The following PTPRS variants were observed in gnomAD, a reference collection of about 807,000 sequenced individuals.
PTPRS encodes protein tyrosine phosphatase receptor type S.
Under a neutral mutation model 215.3 loss-of-function variants are expected in PTPRS, and 63 were observed. That is an observed-to-expected ratio of 0.29 (90% CI 0.24 to 0.36). The LOEUF (loss-of-function observed/expected upper bound fraction) is 0.36. PTPRS is among the 10% of genes least tolerant of loss of function. The pLI, the probability that PTPRS is intolerant of heterozygous loss-of-function variation, is 1.00. For missense variants in PTPRS, 2,258 were observed against 2,825.8 expected (o/e 0.80, Z 4.56); for synonymous variants, 1,404 against 1,191.4 (o/e 1.18, Z -3.68).
chr19:5,240,163 C>CCCAGGGCAGGCCAGCCCGT lies in PTPRS; in HGVS notation c.1704+17_1704+35dup, dbSNP rs1275179593. 3.4e-6 allele frequency: 5 copies of CCCAGGGCAGGCCAGCCCGT among 1,466,280 alleles called. No individual in the cohort carries two copies. The African/African-American group carries it at 4.2e-5, about 12-fold the overall frequency. 90.8% of individuals were successfully genotyped at this position (1,466,280 alleles called of 1,614,324 possible). On this transcript the variant is annotated intron_variant, in intron 12 of 37. Transcript: ENST00000262963. ...AGCGTCAGAGAGCGCCGGGGAGGAG[C>CCCAGGGCAGGCCAGCCCGT]CCAGGGCAGGCCAGCCCGTCCCCGC...
At chr19:5,247,190 T>C (rs2044573416) in intron 9 of PTPRS, among the ~76,000 whole-genome samples, 1 of 142,258 alleles carries the variant, frequency 7.0e-6, no homozygotes, top group East Asian at 2.0e-4. Context: ...TAATAAATAG[T>C]ATATTAATAA....
chr19:5,230,983 A>G (rs907031316), intron 14 of PTPRS, among the ~76,000 whole-genome samples: 4 of 152,190 alleles, frequency 2.6e-5, no homozygotes, highest in Non-Finnish European at 4.4e-5. Context: ...TGATCAGCAC[A>G]TTGTTGTTGC....
intron 13 of PTPRS, among the ~76,000 whole-genome samples, chr19:5,235,603 A>G (rs1316638769): frequency 1.3e-5 from 2 of 152,096 alleles, no homozygotes; most frequent in Admixed American, 1.3e-4. Flanking sequence ...GGTTTGCAGA[A>G]CAATAATTGT....
At position 5,221,113 on chromosome 19, in the gene PTPRS, G is replaced by C; in HGVS notation, c.3342C>G (p.Thr1114=). The C allele has an allele frequency of 6.2e-7, 1 of 1,614,024 alleles. No homozygotes were observed. The highest frequency in any genetic ancestry group is 1.7e-5 in the Admixed American group (1 of 60,014). The change falls in exon 20 of 38, where the codon ACC becomes ACG. Residue 1114 remains threonine, a synonymous_variant. Transcript: ENST00000262963. ...SSLGGLQQTV[T]AWTAFNLLNG... ...TGAGCAGGTTGAAGGCAGTCCAGGC[G>C]GTGACCGTCTGCTGGAGGCCGCCCA...
At chr19:5,222,628 TGGGGTG>T (rs1568403350) in intron 18 of PTPRS, 55 bp downstream of exon 18, 2 of 522,706 alleles carry the variant, frequency 3.8e-6, no homozygotes, top group Non-Finnish European at 4.9e-6. Flanking sequence ...GGGAGGGGGC[TGGGGTG>T]GGGGTGGGCG....
At chr19:5,207,548 C>A (rs1234522631) in intron 37 of PTPRS, among the ~76,000 whole-genome samples, 1 of 152,188 alleles carries the variant, frequency 6.6e-6, no homozygotes. Context: ...GTTCAGAACC[C>A]CCTCCACTGG....
At chr19:5,331,306 T>TG (rs2050319185) in intron 1 of PTPRS, among the ~76,000 whole-genome samples, 1 of 151,748 alleles carries the variant, frequency 6.6e-6, no homozygotes, top group South Asian at 2.1e-4. Context: ...GATTTTTTTT[T>TG]GTTTTTTGTA....
At chr19:5,225,669 CT>C (rs1420966810) in intron 17 of PTPRS, 57 bp downstream of exon 17, 24 of 1,428,342 alleles carry the variant, frequency 1.7e-5, no homozygotes, top group Non-Finnish European at 2.1e-5. Flanking sequence ...GAGTCACGCT[CT>C]GGTGCCAGTG....
At chr19:5,308,012 T>C (rs1177202264) in intron 1 of PTPRS, among the ~76,000 whole-genome samples, 5 of 151,836 alleles carry the variant, frequency 3.3e-5, no homozygotes, top group Non-Finnish European at 7.4e-5. Flanking sequence ...AAAACTCTAC[T>C]GACCCTGTTC....
chr19:5,213,057 G>A (rs945119785), intron 30 of PTPRS, among the ~76,000 whole-genome samples: 5 of 152,258 alleles, frequency 3.3e-5, no homozygotes, highest in African/African-American at 1.2e-4. Flanking sequence ...CAGCTTGGGA[G>A]TCACCCTTAA....
intron 11 of PTPRS, among the ~76,000 whole-genome samples, chr19:5,241,123 AAC>A (rs1167613793): frequency 6.6e-6 from 1 of 151,702 alleles, no homozygotes; most frequent in Non-Finnish European, 1.5e-5. Flanking sequence ...TCCTGACCTC[AAC>A]TGATCCTCCT....
At chr19:5,251,290 C>CG (rs1294693576) in intron 9 of PTPRS, among the ~76,000 whole-genome samples, 3 of 152,084 alleles carry the variant, frequency 2.0e-5, no homozygotes, top group African/African-American at 7.2e-5. Flanking sequence ...GCCTCTCCCC[C>CG]CCACCGCCAG....
chr19:5,240,398 G>C (rs1447981904), intron 11 of PTPRS, 66 bp from the exon 12 acceptor site: 9 of 1,441,932 alleles, frequency 6.2e-6, no homozygotes, highest in Non-Finnish European at 8.3e-6. Context: ...GGCCCCACCT[G>C]CTGAGTGTCC....
At chr19:5,312,568 G>A (rs1169155423) in intron 1 of PTPRS, among the ~76,000 whole-genome samples, 1 of 152,194 alleles carries the variant, frequency 6.6e-6, no homozygotes, top group Non-Finnish European at 1.5e-5. Flanking sequence ...GGCCAAGGCA[G>A]GAGGACTGCT....
chr19:5,213,639 CATATGCTTAATGTATAACAT>C (rs2041139566), intron 30 of PTPRS, among the ~76,000 whole-genome samples: 1 of 54,138 alleles, frequency 1.8e-5, no homozygotes. Context: ...TGAGATATAA[CATATGCTTAATGTATAACAT>C]ATGCTTAATG....
In PTPRS at chr19:5,338,665, C is replaced by CAGAA. The variant is rs2050585377; in HGVS notation, c.-95+1995_-95+1998dup. On this transcript the variant is annotated intron_variant, in intron 1 of 37. Transcript: ENST00000262963. The surrounding 1 kb of genome is among the most constrained non-coding windows in gnomAD (Gnocchi z 4.2). Reference sequence around the variant, plus strand: ...TGGCAAAGAAAGAAGAGCAGAGGGACAGAAGGCAGGCGCGATTGGCAGGGG... The same window carrying CAGAA: ...TGGCAAAGAAAGAAGAGCAGAGGGACAGAAAGAAGGCAGGCGCGATTGGCAGGGG... 6.6e-6 allele frequency among the ~76,000 whole-genome samples: 1 copy of CAGAA among 150,628 alleles called. No individual in the cohort carries two copies. The highest frequency in any genetic ancestry group is 1.5e-5 in the Non-Finnish European group (1 of 67,824).
intron 4 of PTPRS, among the ~76,000 whole-genome samples, chr19:5,267,259 T>C (rs889846521): frequency 3.3e-5 from 5 of 152,090 alleles, no homozygotes; most frequent in Non-Finnish European, 7.4e-5. Flanking sequence ...GTCCCTGGAA[T>C]CTCCTGGTCC....
rs767731605 is a variant in PTPRS at position 5,274,293 on chromosome 19, C to G, written c.143G>C (p.Gly48Ala). The G allele has an allele frequency of 3.7e-6, 6 of 1,613,454 alleles. No individual in the cohort carries two copies. The highest frequency in any genetic ancestry group is 3.3e-5 in the Admixed American group (2 of 59,970). The change falls in exon 3 of 38, where the codon GGT (glycine) becomes GCT (alanine). Residue 48 changes from glycine to alanine, a missense_variant. Coordinates refer to ENST00000262963, the MANE Select transcript of PTPRS (RefSeq NM_002850.4). ...GGCCTGACACACGAAAGAGGCCACA[C>G]CCCCCGACACGCCGATCTGGTCCTT... ...EPKDQIGVSG[G>A]VASFVCQATG... is the part of the protein sequence containing the mutation.
At chr19:5,332,719 G>A (rs945585326) in intron 1 of PTPRS, among the ~76,000 whole-genome samples, 7 of 152,216 alleles carry the variant, frequency 4.6e-5, no homozygotes, top group Admixed American at 4.6e-4. Flanking sequence ...GTGGTCTTGG[G>A]CAAGTTGCTC....
Sources: allele counts gnomAD v4.1 joint callset (sites outside exome capture counted in the v4.1 genomes callset), GRCh38; gene constraint gnomAD v4.1.1; non-coding constraint Gnocchi (gnomAD v3.1); transcripts MANE v1.5; gene names NCBI Gene and HGNC (gene_info 2026-07-23, HGNC 2026-07-21).